The following EDIL3 variants were observed in gnomAD, a reference collection of about 807,000 sequenced individuals.
The protein encoded by EDIL3 is EGF like and discoidin domains 3, also known as EGF-like repeat and discoidin I-like domain-containing protein 3.
Under a neutral mutation model 67.4 loss-of-function variants are expected in EDIL3, and 37 were observed. That is an observed-to-expected ratio of 0.55 (90% confidence interval 0.42 to 0.72). EDIL3 has a LOEUF of 0.72. Ranked by LOEUF, EDIL3 falls within the 30% of genes least tolerant of loss-of-function variation. EDIL3 has a pLI of 0.00. For synonymous variants in EDIL3, 195 were observed against 196.3 expected, an observed-to-expected ratio of 0.99 and a Z score of 0.05; for missense variants, 527 against 586.3, an observed-to-expected ratio of 0.90 and a Z score of 1.04.
chr5:84,190,575 GTGTGTATA>G (rs1225258338), intron 3 of EDIL3, among the ~76,000 whole-genome samples: 1 of 61,750 alleles, frequency 1.6e-5, no homozygotes, highest in Non-Finnish European at 3.2e-5. Flanking sequence ...GTGTGTGTGT[GTGTGTATA>G]TATATATATA....
rs376767587 is a variant in EDIL3, at chr5:84,073,616, A to T, written c.652-7010T>A. Among the ~76,000 whole-genome samples, 18 of 152,270 alleles carry T rather than the reference A, an allele frequency of 1.2e-4. No homozygotes were observed. In the South Asian group the frequency reaches 3.7e-3, roughly 32 times the overall value. The stretch of plus-strand genomic sequence containing the variant: ...TTCACAATTGCTTCAAAGAGAATAA[A>T]ATACCTAGGAATCCAACTTACAAGG... On this transcript the variant is annotated intron_variant, in intron 6 of 10. Transcript: ENST00000296591.
chr5:84,212,854 C>T (rs764035854), intron 3 of EDIL3, among the ~76,000 whole-genome samples: 4 of 152,056 alleles, frequency 2.6e-5, no homozygotes, highest in Non-Finnish European at 4.4e-5. Flanking sequence ...GAATGTCTTA[C>T]GGGACCAGTT....
At chr5:84,172,033 AT>A (rs1748821425) in intron 4 of EDIL3, among the ~76,000 whole-genome samples, 1 of 152,144 alleles carries the variant, frequency 6.6e-6, no homozygotes, top group Non-Finnish European at 1.5e-5. Flanking sequence ...AGGAATCTGT[AT>A]ACTTATCTGG....
chr5:84,256,770 G>T (rs913291599), intron 1 of EDIL3, among the ~76,000 whole-genome samples: 3 of 152,136 alleles, frequency 2.0e-5, no homozygotes, highest in Admixed American at 2.0e-4. Flanking sequence ...GATGGAGGAG[G>T]TTGGGCCGAG....
intron 10 of EDIL3, among the ~76,000 whole-genome samples, chr5:83,953,580 C>T (rs1580250012): frequency 6.6e-6 from 1 of 151,656 alleles, no homozygotes; most frequent in Non-Finnish European, 1.5e-5. Flanking sequence ...TCAGACATTT[C>T]ATTTATCTGT....
intron 6 of EDIL3, among the ~76,000 whole-genome samples, chr5:84,093,752 C>T (rs1050818453): frequency 1.3e-5 from 2 of 151,496 alleles, no homozygotes; most frequent in Non-Finnish European, 2.9e-5. Flanking sequence ...TTCTGTACCC[C>T]AGATTCAAGT....
chr5:84,000,239 G>A (rs1299937847), intron 9 of EDIL3, among the ~76,000 whole-genome samples: 1 of 151,934 alleles, frequency 6.6e-6, no homozygotes, highest in African/African-American at 2.4e-5. Flanking sequence ...TAAGTACACA[G>A]GCAACTACAG....
At chr5:83,995,157 T>TACACAC (rs370763993) in intron 9 of EDIL3, among the ~76,000 whole-genome samples, 85,793 of 148,990 alleles carry the variant, frequency 0.58, 24,411 homozygotes, top group Non-Finnish European at 0.59. Flanking sequence ...CACACACACA[T>TACACAC]ACACACACAC....
At chr5:84,310,972 T>C (rs1301685851) in intron 1 of EDIL3, among the ~76,000 whole-genome samples, 1 of 152,166 alleles carries the variant, frequency 6.6e-6, no homozygotes, top group Non-Finnish European at 1.5e-5. Flanking sequence ...GAATTGAATG[T>C]ATTCTATCAT....
intron 3 of EDIL3, among the ~76,000 whole-genome samples, chr5:84,202,393 T>C (rs1743862725): frequency 6.6e-6 from 1 of 152,020 alleles, no homozygotes; most frequent in Non-Finnish European, 1.5e-5. Flanking sequence ...CAAGAAAAGG[T>C]TAATAGGAGT....
chr5:84,052,270 G>T (rs1746354895), intron 9 of EDIL3, among the ~76,000 whole-genome samples: 1 of 152,206 alleles, frequency 6.6e-6, no homozygotes, highest in Non-Finnish European at 1.5e-5. Context: ...GAGAGATTTT[G>T]TCACCATCAG....
intron 1 of EDIL3, among the ~76,000 whole-genome samples, chr5:84,359,746 A>G (rs1307512086): frequency 6.6e-6 from 1 of 152,182 alleles, no homozygotes; most frequent in Non-Finnish European, 1.5e-5. Context: ...GAAAAGTAGA[A>G]AGACTAACCA....
chr5:84,050,462 G>A (rs1329998909), intron 9 of EDIL3, among the ~76,000 whole-genome samples: 1 of 152,174 alleles, frequency 6.6e-6, no homozygotes, highest in Non-Finnish European at 1.5e-5. Context: ...GTCAGACAGT[G>A]GGTACAGGAC....
Position 84,292,412 on chromosome 5 carries a change from C to G in EDIL3, c.68-38200G>C, listed in dbSNP as rs117536886. On this transcript the variant is annotated intron_variant, in intron 1 of 10. Coordinates refer to ENST00000296591, the MANE Select transcript of EDIL3 (RefSeq NM_005711.5). Reference sequence around the variant, plus strand: ...TGAATAAGACATAGTGTCCCGGAGCCAGGAAAGCATTCACTTTTTATAAAT... The same window carrying G: ...TGAATAAGACATAGTGTCCCGGAGCGAGGAAAGCATTCACTTTTTATAAAT... Among the ~76,000 whole-genome samples the G allele has an allele frequency of 7.4e-4, 113 of 152,186 alleles. 1 individual carries two copies. The East Asian group carries it at 0.019, about 26-fold the overall frequency.
intron 5 of EDIL3, among the ~76,000 whole-genome samples, chr5:84,108,144 G>A (rs1019741949): frequency 1.3e-5 from 2 of 151,558 alleles, no homozygotes; most frequent in Non-Finnish European, 3.0e-5. Flanking sequence ...TTAGATTGAG[G>A]TTGAAAATAA....
At chr5:84,370,512 T>C (rs1747821379) in intron 1 of EDIL3, among the ~76,000 whole-genome samples, 1 of 152,198 alleles carries the variant, frequency 6.6e-6, no homozygotes, top group Non-Finnish European at 1.5e-5. Context: ...AGCTCCTCCA[T>C]ATGATAATTA....
At chr5:84,305,039 T>C (rs1746237472) in intron 1 of EDIL3, among the ~76,000 whole-genome samples, 1 of 152,182 alleles carries the variant, frequency 6.6e-6, no homozygotes, top group Non-Finnish European at 1.5e-5. Context: ...ACCACTGCAT[T>C]AGAGAGTGAT....
chr5:84,230,210 T>C lies in EDIL3; in HGVS notation c.197-326A>G, dbSNP rs148300091. 5.2e-3 allele frequency among the ~76,000 whole-genome samples: 788 copies of C among 152,238 alleles called. 7 individuals carry two copies. The highest frequency in any genetic ancestry group is 0.017 in the African/African-American group (714 of 41,536). On this transcript the variant is annotated intron_variant, in intron 2 of 10. Coordinates refer to ENST00000296591, the MANE Select transcript of EDIL3 (RefSeq NM_005711.5). The stretch of plus-strand genomic sequence containing the variant: ...GCAAATAAGATTAACCTTAGTTAAT[T>C]TGAGTATAAATTATTATAAATATTG...
chr5:84,361,107 A>AT (rs1478591539), intron 1 of EDIL3, among the ~76,000 whole-genome samples: 2 of 152,098 alleles, frequency 1.3e-5, no homozygotes, highest in African/African-American at 2.4e-5. Flanking sequence ...GTGAGCGTTA[A>AT]TAAAAAAAAG....
Sources: allele counts gnomAD v4.1 joint callset (sites outside exome capture counted in the v4.1 genomes callset), GRCh38; gene constraint gnomAD v4.1.1; transcripts MANE v1.5; gene names NCBI Gene and HGNC (gene_info 2026-07-23, HGNC 2026-07-21).